Variants in COL25A1 observed in about 807,000 individuals in gnomAD.
The protein encoded by COL25A1 is collagen type XXV alpha 1 chain.
COL25A1 carries 103 observed loss-of-function variants against 128.4 expected under a neutral mutation model. The observed-to-expected ratio is 0.80, with a 90% CI of 0.68 to 0.94. The LOEUF (loss-of-function observed/expected upper bound fraction) is 0.94. Among genes scored for constraint, COL25A1 ranks in the 40% least tolerant of loss-of-function variants. COL25A1 has a pLI of 0.00. For synonymous variants in COL25A1, 279 were observed against 277.2 expected (o/e 1.01, Z -0.06); for missense variants, 745 against 840.0 (o/e 0.89, Z 1.40).
At chr4:108,920,486 G>T in intron 12 of COL25A1, 92 bp downstream of exon 12, 1 of 876,940 alleles carries the variant, frequency 1.1e-6, no homozygotes. Context: ...GCTTCAGCAT[G>T]GCTTACAGTA....
intron 31 of COL25A1, among the ~76,000 whole-genome samples, chr4:108,840,256 A>AG (rs1337448205): frequency 6.6e-6 from 1 of 151,416 alleles, no homozygotes; most frequent in East Asian, 1.9e-4. Context: ...AAAAAAAAAA[A>AG]AAAAAATCCA....
intron 8 of COL25A1, among the ~76,000 whole-genome samples, chr4:108,973,848 G>A (rs1450605179): frequency 6.6e-6 from 1 of 152,124 alleles, no homozygotes; most frequent in African/African-American, 2.4e-5. Context: ...ATGCTAAATT[G>A]TATTACACCT....
chr4:108,948,998 A>G (rs140624121), intron 8 of COL25A1, among the ~76,000 whole-genome samples: 1 of 152,184 alleles, frequency 6.6e-6, no homozygotes, highest in Admixed American at 6.5e-5. Flanking sequence ...CCCTAATGAC[A>G]TACACCTAAG....
At chr4:109,059,572 C>T (rs138917931) in intron 3 of COL25A1, among the ~76,000 whole-genome samples, 29 of 152,216 alleles carry the variant, frequency 1.9e-4, no homozygotes, top group African/African-American at 7.0e-4. Context: ...AAATCACTGG[C>T]CAACAGCTAA....
chr4:109,034,551 T>C (rs1286255496), intron 5 of COL25A1, among the ~76,000 whole-genome samples: 1 of 152,198 alleles, frequency 6.6e-6, no homozygotes, highest in African/African-American at 2.4e-5. Context: ...GGGCTTCACT[T>C]GAATTCATTA....
chr4:109,067,207 A>C (rs1762521068), intron 3 of COL25A1, among the ~76,000 whole-genome samples: 1 of 152,190 alleles, frequency 6.6e-6, no homozygotes, highest in South Asian at 2.1e-4. Flanking sequence ...GTCCTCTGGA[A>C]GCATAATAAG....
Position 109,300,185 on chromosome 4 carries a change from A to C in COL25A1, c.367+398T>G, listed in dbSNP as rs560790228. Among the ~76,000 whole-genome samples the C allele has an allele frequency of 1.7e-3, 248 of 149,962 alleles. No individual in the cohort carries two copies. The East Asian group carries it at 0.018, about 11-fold the overall frequency. ...GCCAAAGGGAATAAACCAAAACAAAAAAAAAAAAAAACTCTGCACTAACAC... is the reference window on the plus strand; with the variant it reads ...GCCAAAGGGAATAAACCAAAACAAACAAAAAAAAAAACTCTGCACTAACAC... On this transcript the variant is annotated intron_variant, in intron 3 of 37. Transcript: ENST00000399132.
chr4:109,227,178 A>C (rs976357073), intron 3 of COL25A1, among the ~76,000 whole-genome samples: 2 of 152,168 alleles, frequency 1.3e-5, no homozygotes, highest in African/African-American at 4.8e-5. Flanking sequence ...AGGAGGCTTC[A>C]ATGTTTTTAT....
At chr4:109,087,135 T>C (rs1764468413) in intron 3 of COL25A1, among the ~76,000 whole-genome samples, 1 of 151,444 alleles carries the variant, frequency 6.6e-6, no homozygotes. Flanking sequence ...TCCAAGAAGA[T>C]AGGAGAGAAG....
At position 108,812,592 on chromosome 4, in the gene COL25A1, C is replaced by T. The variant is rs1358612698; in HGVS notation, c.*1335G>A. The stretch of plus-strand genomic sequence containing the variant: ...CCAAATTATTATGATTTGAAGACTT[C>T]TTAAAAAAATTGTTCAAAACATATG... On this transcript the variant is annotated 3_prime_UTR_variant, in exon 38 of 38. Transcript: ENST00000399132. 6.6e-6 allele frequency: 1 copy of T among 151,882 alleles called. No homozygotes were observed. Among genetic ancestry groups the T allele is most frequent in the Non-Finnish European group, 1.5e-5 (1 of 67,954 alleles). The allele number at this position is 151,882 out of a possible 1,614,324, so 9.4% of individuals were successfully genotyped here.
chr4:109,294,555 C>T (rs1578660633), intron 3 of COL25A1, among the ~76,000 whole-genome samples: 1 of 152,092 alleles, frequency 6.6e-6, no homozygotes, highest in East Asian at 1.9e-4. Context: ...TATCATGGTG[C>T]GTTAAACCAC....
At chr4:108,878,007 G>C (rs1257914227) in intron 19 of COL25A1, among the ~76,000 whole-genome samples, 2 of 152,024 alleles carry the variant, frequency 1.3e-5, no homozygotes, top group African/African-American at 4.8e-5. Flanking sequence ...ACTTAGATGG[G>C]ATTACTAGTC....
intron 24 of COL25A1, among the ~76,000 whole-genome samples, chr4:108,856,042 A>C (rs10010914): frequency 2.6e-5 from 4 of 152,212 alleles, no homozygotes; most frequent in African/African-American, 9.6e-5. Flanking sequence ...GGCATGAACT[A>C]CAGAAACTGC....
At chr4:109,128,682 G>A (rs1439751653) in intron 3 of COL25A1, among the ~76,000 whole-genome samples, 3 of 152,176 alleles carry the variant, frequency 2.0e-5, no homozygotes, top group African/African-American at 7.2e-5. Flanking sequence ...ACAGTCACTT[G>A]ACACTAATGT....
chr4:108,884,096 C>A, intron 19 of COL25A1, 82 bp downstream of exon 19: 1 of 1,375,426 alleles, frequency 7.3e-7, no homozygotes, highest in Non-Finnish European at 1.0e-6. Context: ...TTTTAGTTTC[C>A]ATTTTTCCCT....
At chr4:109,013,113 G>T (rs1756815039) in intron 5 of COL25A1, among the ~76,000 whole-genome samples, 1 of 152,150 alleles carries the variant, frequency 6.6e-6, no homozygotes, top group Admixed American at 6.5e-5. Flanking sequence ...GCACCAATCA[G>T]CACTCTGTGT....
chr4:109,036,478 A>G (rs1457117232), intron 5 of COL25A1, among the ~76,000 whole-genome samples: 1 of 152,208 alleles, frequency 6.6e-6, no homozygotes, highest in Non-Finnish European at 1.5e-5. Context: ...CTTTCCAGAC[A>G]TGAAGATTCA....
rs190346097 is a variant in COL25A1 at position 108,978,543 on chromosome 4, T to G, written c.439-3984A>C. On this transcript the variant is annotated intron_variant, in intron 6 of 37. Transcript: ENST00000399132. The stretch of plus-strand genomic sequence containing the variant: ...TAAAATTAAAATTGGGGTATTAATT[T>G]TTTTTTATCTTTAGCATTAAAAAAG... Among the ~76,000 whole-genome samples the G allele has an allele frequency of 4.6e-5, 7 of 152,352 alleles. No individual in the cohort carries two copies. The South Asian group carries it at 8.3e-4, about 18-fold the overall frequency.
In COL25A1 at chr4:108,827,125, A is replaced by C. The variant is rs757095113; in HGVS notation, c.1764+10T>G. On this transcript the variant is annotated intron_variant, in intron 33 of 37. Transcript: ENST00000399132. ...GGAAGGTGGGGAGGTGCATGTGACC[A>C]GGAACTCACAGGCAGCCCATAGGGC... is the stretch of plus-strand genomic sequence containing the variant. The C allele has an allele frequency of 5.6e-5, 90 of 1,612,752 alleles. No individual in the cohort carries two copies. Among genetic ancestry groups the C allele is most frequent in the Non-Finnish European group, 7.4e-5 (87 of 1,178,994 alleles).
Sources: gnomAD v4.1 joint callset for allele counts (sites outside exome capture counted in the v4.1 genomes callset) on GRCh38, gnomAD v4.1.1 for gene constraint, MANE v1.5 for transcripts, NCBI Gene and HGNC (gene_info 2026-07-23, HGNC 2026-07-21) for gene names.